TBC1D4: variants seen among roughly 807,000 people sequenced by gnomAD.
TBC1D4 encodes the protein TBC1 domain family member 4.
A neutral mutation model predicts 142.5 loss-of-function variants in TBC1D4; 121 were observed. The ratio of observed to expected loss-of-function variants is 0.85; its 90% CI spans 0.73 to 0.99. The LOEUF (loss-of-function observed/expected upper bound fraction) is 0.99. Among genes scored for constraint, TBC1D4 ranks in the 50% least tolerant of loss-of-function variants. TBC1D4 has a pLI of 0.00. For missense variants in TBC1D4, 1,475 were observed against 1,606.6 expected, an observed-to-expected ratio of 0.92 and a Z score of 1.40; for synonymous variants, 630 against 628.2, an observed-to-expected ratio of 1.00 and a Z score of -0.04.
intron 1 of TBC1D4, among the ~76,000 whole-genome samples, chr13:75,425,685 G>A (rs568756115): frequency 2.0e-5 from 3 of 152,234 alleles, no homozygotes; most frequent in East Asian, 1.9e-4. Context: ...CTTGGAGAAC[G>A]TGATGTTAAA....
chr13:75,327,367 A>G (rs1879351453), intron 9 of TBC1D4, among the ~76,000 whole-genome samples: 1 of 152,200 alleles, frequency 6.6e-6, no homozygotes, highest in Non-Finnish European at 1.5e-5. Context: ...AGAAGATCCC[A>G]GTGTTGCAGC....
chr13:75,347,090 T>G (rs1566407251), intron 5 of TBC1D4, among the ~76,000 whole-genome samples: 1 of 152,208 alleles, frequency 6.6e-6, no homozygotes, highest in African/African-American at 2.4e-5. Flanking sequence ...AATGTTAGGT[T>G]AATGAGTTTA....
intron 1 of TBC1D4, among the ~76,000 whole-genome samples, chr13:75,380,854 C>G (rs145710332): frequency 6.6e-6 from 1 of 152,198 alleles, no homozygotes; most frequent in East Asian, 1.9e-4. Flanking sequence ...AGAAAAAGAT[C>G]CTTACCTTTC....
chr13:75,459,967 C>T lies in TBC1D4; in HGVS notation c.498+21303G>A, dbSNP rs141665927. Reference sequence around the variant, plus strand: ...ACCATCCTGGGTAACATGGTGAAAACTCGTCTCTACTAAAAATACAAAAAA... The same window carrying T: ...ACCATCCTGGGTAACATGGTGAAAATTCGTCTCTACTAAAAATACAAAAAA... On this transcript the variant is annotated intron_variant, in intron 1 of 20. Coordinates refer to ENST00000377636, the MANE Select transcript of TBC1D4 (RefSeq NM_014832.5). 6.4e-3 allele frequency among the ~76,000 whole-genome samples: 966 copies of T among 152,054 alleles called. 8 individuals carry two copies. Among genetic ancestry groups the T allele is most frequent in the African/African-American group, 0.022 (921 of 41,480 alleles).
At chr13:75,395,808 C>T (rs1884767149) in intron 1 of TBC1D4, among the ~76,000 whole-genome samples, 1 of 152,068 alleles carries the variant, frequency 6.6e-6, no homozygotes, top group South Asian at 2.1e-4. Context: ...CCAGCCTGGG[C>T]AACAGAGTGA....
intron 5 of TBC1D4, among the ~76,000 whole-genome samples, chr13:75,346,383 T>A (rs1302653146): frequency 6.6e-6 from 1 of 151,798 alleles, no homozygotes; most frequent in Non-Finnish European, 1.5e-5. Flanking sequence ...CACTTATGAG[T>A]GAGAACATGC....
intron 1 of TBC1D4, among the ~76,000 whole-genome samples, chr13:75,380,583 A>AAT (rs1883783340): frequency 1.3e-5 from 2 of 151,842 alleles, no homozygotes; most frequent in Non-Finnish European, 2.9e-5. Flanking sequence ...GAATTTACAA[A>AAT]CAATCAATCC....
chr13:75,465,615 G>A (rs1404020980), intron 1 of TBC1D4, among the ~76,000 whole-genome samples: 1 of 152,022 alleles, frequency 6.6e-6, no homozygotes, highest in African/African-American at 2.4e-5. Flanking sequence ...CATGTGAATG[G>A]ACCCTCCTCT....
At chr13:75,397,616 T>C (rs1258081832) in intron 1 of TBC1D4, among the ~76,000 whole-genome samples, 2 of 152,204 alleles carry the variant, frequency 1.3e-5, no homozygotes, top group East Asian at 3.8e-4. Context: ...TGTGTTTGTT[T>C]TGATTTGCTT....
intron 13 of TBC1D4, among the ~76,000 whole-genome samples, chr13:75,311,440 C>T (rs973251391): frequency 6.6e-6 from 1 of 152,010 alleles, no homozygotes; most frequent in Non-Finnish European, 1.5e-5. Context: ...TATATATATT[C>T]ATTGACCTCT....
At chr13:75,448,744 T>C (rs1048995078) in intron 1 of TBC1D4, among the ~76,000 whole-genome samples, 1 of 151,996 alleles carries the variant, frequency 6.6e-6, no homozygotes, top group African/African-American at 2.4e-5. Flanking sequence ...AGTAGACTTA[T>C]TAAAAAAGAA....
At chr13:75,390,864 AGGGGAGG>A (rs2138300616) in intron 1 of TBC1D4, among the ~76,000 whole-genome samples, 1 of 3,240 alleles carries the variant, frequency 3.1e-4, no homozygotes, top group Non-Finnish European at 6.1e-4. Context: ...AGGGGAGGGG[AGGGGAGG>A]GGAGGGGAGG....
chr13:75,373,521 T>C (rs754272582), intron 1 of TBC1D4, among the ~76,000 whole-genome samples: 6 of 152,146 alleles, frequency 3.9e-5, no homozygotes, highest in Admixed American at 2.0e-4. Flanking sequence ...ACTTGCACTT[T>C]TTGTGGGTGA....
At chr13:75,291,171 G>A (rs1307671489) in intron 19 of TBC1D4, among the ~76,000 whole-genome samples, 1 of 152,124 alleles carries the variant, frequency 6.6e-6, no homozygotes, top group African/African-American at 2.4e-5. Flanking sequence ...TACCCTGGCA[G>A]GCAGACAATT....
intron 9 of TBC1D4, among the ~76,000 whole-genome samples, chr13:75,327,434 A>G (rs991547025): frequency 1.1e-4 from 16 of 152,092 alleles, no homozygotes; most frequent in African/African-American, 3.4e-4. Flanking sequence ...AACAAATAAA[A>G]TCACTGTACA....
intron 8 of TBC1D4, among the ~76,000 whole-genome samples, chr13:75,330,877 T>C (rs1027733653): frequency 6.6e-6 from 1 of 152,182 alleles, no homozygotes; most frequent in African/African-American, 2.4e-5. Flanking sequence ...GAGGAAAATA[T>C]AGTAAAGATG....
At chr13:75,293,618 G>A (rs1472646819) in intron 18 of TBC1D4, among the ~76,000 whole-genome samples, 1 of 152,130 alleles carries the variant, frequency 6.6e-6, no homozygotes, top group Non-Finnish European at 1.5e-5. Context: ...CTGTAGAAAA[G>A]CAATAGTGTA....
In TBC1D4 at chr13:75,458,921, C is replaced by T. The variant is rs547962504; in HGVS notation, c.498+22349G>A. Reference sequence around the variant, plus strand: ...CCTAGGGCCTTAGAAAGAGAAAGCACTAGGTAAATGTAAACTGGGACCTTG... The same window carrying T: ...CCTAGGGCCTTAGAAAGAGAAAGCATTAGGTAAATGTAAACTGGGACCTTG... On this transcript the variant is annotated intron_variant, in intron 1 of 20. Coordinates refer to ENST00000377636, the MANE Select transcript of TBC1D4 (RefSeq NM_014832.5). Among the ~76,000 whole-genome samples, 14 of 152,128 alleles carry T rather than the reference C, an allele frequency of 9.2e-5. No homozygotes were observed. The East Asian group carries it at 2.3e-3, about 25-fold the overall frequency.
At chr13:75,295,293 G>A (rs1875793841) in intron 17 of TBC1D4, among the ~76,000 whole-genome samples, 1 of 152,246 alleles carries the variant, frequency 6.6e-6, no homozygotes, top group Non-Finnish European at 1.5e-5. Flanking sequence ...TTTTTCTTCT[G>A]TAGGGAGGCA....
Sources: allele counts gnomAD v4.1 joint callset (sites outside exome capture counted in the v4.1 genomes callset), GRCh38; gene constraint gnomAD v4.1.1; transcripts MANE v1.5; gene names NCBI Gene and HGNC (gene_info 2026-07-23, HGNC 2026-07-21).